TMEM52B: variants seen among roughly 807,000 people sequenced by gnomAD.
TMEM52B encodes chromosome 12 open reading frame 59.
Under a neutral mutation model 16.1 loss-of-function variants are expected in TMEM52B, and 11 were observed. The observed-to-expected ratio is 0.68, with a 90% CI of 0.43 to 1.13. TMEM52B has a LOEUF of 1.13. Ranked by LOEUF, TMEM52B falls within the 50% of genes most tolerant of loss-of-function variation. TMEM52B has a pLI of 0.00. For missense variants in TMEM52B, 243 were observed against 230.4 expected (o/e 1.05, Z -0.35); for synonymous variants, 101 against 93.8 (o/e 1.08, Z -0.45).
chr12:10,177,339 T>G, upstream of TMEM52B, among the ~76,000 whole-genome samples: 1 of 152,310 alleles, frequency 6.6e-6, no homozygotes, highest in East Asian at 1.9e-4. Context: ...CATTTTCTCA[T>G]TATTTGTTTT....
Position 10,189,958 on chromosome 12 carries a change from T to C in TMEM52B, c.370T>C (p.Ser124Pro). The change falls in exon 5 of 5, where the codon TCC (serine) becomes CCC (proline). Residue 124 changes from serine (S) to proline (P), a missense_variant. Ser to Pro is a moderately conservative substitution (Grantham distance 74). Coordinates refer to ENST00000543484, the MANE Select transcript of TMEM52B (RefSeq NM_001384896.1). ...CCTGGCTGTGGCTCACTCCCACAGC[T>C]CCCTGGGCCAGCTGCCCTCCTCTTT... Reference protein sequence around the residue: ...RILAVAHSHSSLGQLPSSLDT... With the variant: ...RILAVAHSHSPLGQLPSSLDT... The C allele has an allele frequency of 6.2e-7, 1 of 1,614,144 alleles. No individual in the cohort carries two copies. The highest frequency in any genetic ancestry group is 8.5e-7 in the Non-Finnish European group (1 of 1,180,034).
exon 1 of TMEM52B, chr12:10,170,643 C>G (rs1948706851): frequency 6.6e-6 from 1 of 152,064 alleles, no homozygotes; most frequent in African/African-American, 2.4e-5. Context: ...AGCCGCGCAC[C>G]ACCACAGCAG....
intron 1 of TMEM52B, chr12:10,171,948 T>G (rs1948724086): frequency 7.4e-7 from 1 of 1,342,840 alleles, no homozygotes; most frequent in African/African-American, 1.4e-5. Flanking sequence ...GAATTTACAT[T>G]TTGGGGCTAA....
At chr12:10,177,647 A>G (rs182162971), upstream of TMEM52B, among the ~76,000 whole-genome samples, 2 of 151,624 alleles carry the variant, frequency 1.3e-5, no homozygotes, top group Non-Finnish European at 2.9e-5. Context: ...GCAGGTGTCT[A>G]TAATCCCAGC....
upstream of TMEM52B, among the ~76,000 whole-genome samples, chr12:10,177,718 C>G (rs1052700694): frequency 6.7e-6 from 1 of 148,464 alleles, no homozygotes; most frequent in Non-Finnish European, 1.5e-5. Flanking sequence ...TGCAGTGAGC[C>G]GAGATTGCAC....
upstream of TMEM52B, among the ~76,000 whole-genome samples, chr12:10,176,980 G>C (rs1223676986): frequency 6.6e-6 from 1 of 152,140 alleles, no homozygotes; most frequent in East Asian, 1.9e-4. Flanking sequence ...TACGTACAGG[G>C]CACTCATGAT....
chr12:10,184,838 A>ATT (rs36048805), intron 2 of TMEM52B, among the ~76,000 whole-genome samples: 15,813 of 148,864 alleles, frequency 0.11, 865 homozygotes, highest in East Asian at 0.23. Context: ...CTTTCTTAGT[A>ATT]TTTTTTTTTT....
chr12:10,183,773 G>C (rs1292240306), intron 2 of TMEM52B, among the ~76,000 whole-genome samples: 1 of 151,878 alleles, frequency 6.6e-6, no homozygotes, highest in Non-Finnish European at 1.5e-5. Context: ...TTCCTGTTTG[G>C]TCTCAGTGGA....
upstream of TMEM52B, among the ~76,000 whole-genome samples, chr12:10,178,399 A>G (rs567206600): frequency 1.3e-5 from 2 of 151,444 alleles, no homozygotes; most frequent in Non-Finnish European, 2.9e-5. Flanking sequence ...GGTGGGCGCC[A>G]GTATTCCCAG....
At chr12:10,182,948 G>A (rs984327331) in intron 2 of TMEM52B, among the ~76,000 whole-genome samples, 1 of 152,122 alleles carries the variant, frequency 6.6e-6, no homozygotes, top group African/African-American at 2.4e-5. Context: ...ATATATTTGG[G>A]TGATTTCCAA....
intron 1 of TMEM52B, chr12:10,182,156 T>C (rs980124258): frequency 1.3e-5 from 13 of 984,832 alleles, no homozygotes; most frequent in African/African-American, 1.8e-5. Flanking sequence ...ATAGTCATTG[T>C]CACACTAACA....
Position 10,173,636 on chromosome 12 carries a change from G to A in TMEM52B, c.-95+2785G>A, listed in dbSNP as rs112698392. The stretch of plus-strand genomic sequence containing the variant: ...GTCACCACTAAAAATACAAAAGTTA[G>A]CTGGGCCTGGTTGCAAGCCTATAAT... On this transcript the variant is annotated intron_variant, in intron 1 of 5. Transcript: ENST00000381923. Among the ~76,000 whole-genome samples the A allele has an allele frequency of 1.6e-3, 239 of 151,810 alleles. 1 individual carries two copies. Among genetic ancestry groups the A allele is most frequent in the African/African-American group, 5.0e-3 (209 of 41,424 alleles).
chr12:10,184,869 ACGGCCGG>A (rs1395907587), intron 2 of TMEM52B, among the ~76,000 whole-genome samples: 1 of 150,888 alleles, frequency 6.6e-6, no homozygotes, highest in Non-Finnish European at 1.5e-5. Context: ...TGGCGTCACC[ACGGCCGG>A]CTAATTTTTG....
At chr12:10,172,417 G>GT (rs988299432) in intron 1 of TMEM52B, 1 of 189,258 alleles carries the variant, frequency 5.3e-6, no homozygotes, top group Admixed American at 5.5e-5. Flanking sequence ...TTCAAAGAGA[G>GT]TAAGTCACAC....
At chr12:10,186,344 A>ATT in intron 3 of TMEM52B, 76 bp from the exon 4 acceptor site, 1 of 1,226,318 alleles carries the variant, frequency 8.2e-7, no homozygotes, top group Non-Finnish European at 1.1e-6. Flanking sequence ...AAACACAGAC[A>ATT]TTAAAGACTG....
chr12:10,184,918 T>C (rs1948863530), intron 2 of TMEM52B, among the ~76,000 whole-genome samples: 5 of 152,170 alleles, frequency 3.3e-5, no homozygotes, highest in Admixed American at 3.3e-4. Flanking sequence ...TTCACTATGT[T>C]GGCCAGGCTG....
rs979675630 is a variant in TMEM52B at position 10,191,674 on chromosome 12, C to T, written c.*1534C>T. On this transcript the variant is annotated 3_prime_UTR_variant, in exon 5 of 5. Transcript: ENST00000543484. ...TCTTCCTACTGTCTTCTAACCTTCCCTTGCCTGCTATGACTTATCTGAGAG... is the reference window on the plus strand; with the variant it reads ...TCTTCCTACTGTCTTCTAACCTTCCTTTGCCTGCTATGACTTATCTGAGAG... 6.6e-5 allele frequency: 10 copies of T among 152,194 alleles called. No homozygotes were observed. The highest frequency in any genetic ancestry group is 1.9e-4 in the African/African-American group (8 of 41,446). 9.4% of individuals were successfully genotyped at this position (152,194 alleles called of 1,614,324 possible).
chr12:10,179,719 G>A (rs913812794), intron 1 of TMEM52B, 91 bp downstream of exon 1: 25 of 1,497,978 alleles, frequency 1.7e-5, no homozygotes, highest in Non-Finnish European at 2.3e-5. Flanking sequence ...CTGCGGGGTG[G>A]GGAGACATAT....
At chr12:10,177,098 A>G (rs990027985), upstream of TMEM52B, among the ~76,000 whole-genome samples, 2 of 152,198 alleles carry the variant, frequency 1.3e-5, no homozygotes, top group African/African-American at 4.8e-5. Flanking sequence ...ATGAATGGGA[A>G]CGTTAAGGAC....
Sources: allele counts gnomAD v4.1 joint callset (sites outside exome capture counted in the v4.1 genomes callset), GRCh38; gene constraint gnomAD v4.1.1; transcripts MANE v1.5; gene names NCBI Gene and HGNC (gene_info 2026-07-23, HGNC 2026-07-21).